The following SLC24A4 variants were observed in gnomAD, a reference collection of about 807,000 sequenced individuals.
SLC24A4 encodes solute carrier family 24 member 4.
A neutral mutation model predicts 79.0 loss-of-function variants in SLC24A4; 53 were observed. The observed-to-expected ratio is 0.67, with a 90% confidence interval of 0.54 to 0.84. The LOEUF is 0.84. SLC24A4 is among the 40% of genes least tolerant of loss of function. The pLI is 0.00. For synonymous variants in SLC24A4, 323 were observed against 323.8 expected (o/e 1.00, Z 0.03); for missense variants, 731 against 822.0 (o/e 0.89, Z 1.35).
intron 2 of SLC24A4, among the ~76,000 whole-genome samples, chr14:92,329,427 G>C (rs564887620): frequency 6.6e-6 from 1 of 152,374 alleles, no homozygotes; most frequent in African/African-American, 2.4e-5. Context: ...TGTAACCCCA[G>C]ATCTTGGTGT....
chr14:92,356,459 C>T (rs1250953695), intron 2 of SLC24A4, among the ~76,000 whole-genome samples: 2 of 152,044 alleles, frequency 1.3e-5, no homozygotes, highest in African/African-American at 4.8e-5. Flanking sequence ...CTTTGTGGTA[C>T]GACCTTAAGC....
intron 12 of SLC24A4, among the ~76,000 whole-genome samples, chr14:92,459,144 C>T (rs916256476): frequency 6.6e-6 from 1 of 152,144 alleles, no homozygotes; most frequent in African/African-American, 2.4e-5. Flanking sequence ...GGGATGTGCC[C>T]GTTTTGGTCA....
At chr14:92,378,641 T>C (rs1312293768) in intron 2 of SLC24A4, among the ~76,000 whole-genome samples, 2 of 152,276 alleles carry the variant, frequency 1.3e-5, no homozygotes, top group Non-Finnish European at 2.9e-5. Context: ...CAGTGTCTCC[T>C]TATCCACTGT....
intron 2 of SLC24A4, among the ~76,000 whole-genome samples, chr14:92,369,909 A>C (rs1888057396): frequency 6.6e-6 from 1 of 152,258 alleles, no homozygotes; most frequent in Non-Finnish European, 1.5e-5. Flanking sequence ...ACAGAGGAGA[A>C]TATTCTTGTC....
At chr14:92,400,705 A>G (rs897536433) in intron 2 of SLC24A4, among the ~76,000 whole-genome samples, 1 of 152,184 alleles carries the variant, frequency 6.6e-6, no homozygotes, top group African/African-American at 2.4e-5. Flanking sequence ...ATTAGCTGCA[A>G]TGATAGGAAG....
chr14:92,413,430 A>G (rs1451755310), intron 2 of SLC24A4, among the ~76,000 whole-genome samples: 1 of 151,660 alleles, frequency 6.6e-6, no homozygotes, highest in African/African-American at 2.4e-5. Flanking sequence ...CAACTCTCCC[A>G]TCTCCCAGCT....
intron 2 of SLC24A4, among the ~76,000 whole-genome samples, chr14:92,366,147 A>G (rs1005704080): frequency 1.3e-5 from 2 of 152,212 alleles, no homozygotes; most frequent in African/African-American, 4.8e-5. Flanking sequence ...TGGAGTGGGA[A>G]GGGATGCTGC....
intron 1 of SLC24A4, among the ~76,000 whole-genome samples, chr14:92,324,438 T>C (rs974580137): frequency 1.3e-5 from 2 of 152,194 alleles, no homozygotes; most frequent in African/African-American, 4.8e-5. Flanking sequence ...CCTAAAGGCG[T>C]TGGGGCAGTC....
Position 92,498,288 on chromosome 14 carries a change from T to C in SLC24A4, c.*4660T>C, listed in dbSNP as rs544698472. On this transcript the variant is annotated 3_prime_UTR_variant, in exon 17 of 17. Transcript: ENST00000532405. ...ATGGAGAGGGGCCCTTCCTGTCCTT[T>C]GGGAAAATCTTCCCCACTGTGTCAG... 116 of 152,306 alleles carry C rather than the reference T, an allele frequency of 7.6e-4. No individual in the cohort carries two copies. Among genetic ancestry groups the C allele is most frequent in the African/African-American group, 2.6e-3 (108 of 41,548 alleles). 9.4% of individuals were successfully genotyped at this position (152,306 alleles called of 1,614,324 possible). A position where few individuals can be genotyped will look rare whatever the true frequency, so the allele number is the denominator to read the frequency against.
chr14:92,487,124 C>T (rs1895411451), intron 14 of SLC24A4, among the ~76,000 whole-genome samples: 1 of 152,210 alleles, frequency 6.6e-6, no homozygotes, highest in Admixed American at 6.5e-5. Context: ...ATTCTGGTCC[C>T]AGAAAGGCAA....
chr14:92,393,342 C>T (rs1197337459), intron 2 of SLC24A4, among the ~76,000 whole-genome samples: 6 of 152,162 alleles, frequency 3.9e-5, no homozygotes, highest in Admixed American at 6.5e-5. Context: ...AGCAGCTCCT[C>T]TTCTGGAGGT....
intron 2 of SLC24A4, among the ~76,000 whole-genome samples, chr14:92,418,993 C>T (rs1891137597): frequency 6.6e-6 from 1 of 152,158 alleles, no homozygotes; most frequent in South Asian, 2.1e-4. Context: ...TGAGCCACCG[C>T]ACCCGGCCAA....
intron 2 of SLC24A4, among the ~76,000 whole-genome samples, chr14:92,412,290 G>A (rs1890761207): frequency 6.6e-6 from 1 of 152,192 alleles, no homozygotes; most frequent in African/African-American, 2.4e-5. Flanking sequence ...CCAAGAGCCT[G>A]CTGTCTCTCA....
intron 12 of SLC24A4, among the ~76,000 whole-genome samples, chr14:92,460,008 C>T (rs956704063): frequency 6.6e-6 from 1 of 152,130 alleles, no homozygotes; most frequent in African/African-American, 2.4e-5. Context: ...GAAGGAATCA[C>T]AGGACCAGGG....
intron 2 of SLC24A4, among the ~76,000 whole-genome samples, chr14:92,339,424 T>C (rs530928947): frequency 4.0e-4 from 61 of 152,206 alleles, no homozygotes; most frequent in Admixed American, 1.7e-3. Flanking sequence ...ACTTCCTTGA[T>C]CTTTGTGACA....
chr14:92,374,624 T>C (rs1365136450), intron 2 of SLC24A4, among the ~76,000 whole-genome samples: 1 of 152,228 alleles, frequency 6.6e-6, no homozygotes, highest in Admixed American at 6.5e-5. Flanking sequence ...GTTCCCTTCC[T>C]TAACTCTCAG....
chr14:92,330,901 A>G (rs11160057), intron 2 of SLC24A4, among the ~76,000 whole-genome samples: 1 of 152,128 alleles, frequency 6.6e-6, no homozygotes, highest in Non-Finnish European at 1.5e-5. Context: ...TTTGCAGGGG[A>G]CTCAAACATT....
chr14:92,342,398 T>TTATTTATTTATTTATC (rs984689718), intron 2 of SLC24A4, among the ~76,000 whole-genome samples: 2 of 151,738 alleles, frequency 1.3e-5, no homozygotes, highest in African/African-American at 4.8e-5. Context: ...ATTTATTTAT[T>TTATTTATTTATTTATC]TTGAGATGGA....
intron 4 of SLC24A4, among the ~76,000 whole-genome samples, chr14:92,439,793 C>A (rs1338445772): frequency 6.6e-6 from 1 of 152,240 alleles, no homozygotes; most frequent in African/African-American, 2.4e-5. Context: ...CACCCCCACC[C>A]CGCCAGGGGG....
Sources: allele counts gnomAD v4.1 joint callset (sites outside exome capture counted in the v4.1 genomes callset), GRCh38; gene constraint gnomAD v4.1.1; transcripts MANE v1.5; gene names NCBI Gene and HGNC (gene_info 2026-07-23, HGNC 2026-07-21).